The following TASP1 variants were observed in gnomAD, a reference collection of about 807,000 sequenced individuals.
The protein encoded by TASP1 is threonine aspartase 1.
A neutral mutation model predicts 56.6 loss-of-function variants in TASP1; 16 were observed. That is an observed-to-expected ratio of 0.28 (90% CI 0.19 to 0.43). TASP1 has a LOEUF of 0.43. Ranked by LOEUF, TASP1 falls within the 20% of genes least tolerant of loss-of-function variation. The pLI is 1.00. For missense variants in TASP1, 393 were observed against 511.6 expected (o/e 0.77, Z 2.24); for synonymous variants, 179 against 184.2 (o/e 0.97, Z 0.23).
At chr20:13,422,380 T>C (rs1376884509) in intron 12 of TASP1, among the ~76,000 whole-genome samples, 1 of 152,154 alleles carries the variant, frequency 6.6e-6, no homozygotes, top group East Asian at 1.9e-4. Context: ...GCTTTTTTTA[T>C]TGGTCATCAT....
At chr20:13,266,991 A>G in the TASP1 span, among the ~76,000 whole-genome samples, 4 of 152,208 alleles carry the variant, frequency 2.6e-5, no homozygotes, top group Admixed American at 6.5e-5. Context: ...CTGCATTACT[A>G]GGATATTCTG....
At chr20:13,572,269 C>CTAGATTAATAGA in intron 6 of TASP1, among the ~76,000 whole-genome samples, 1 of 152,146 alleles carries the variant, frequency 6.6e-6, no homozygotes, top group East Asian at 1.9e-4. Context: ...TGTCAAACTT[C>CTAGATTAATAGA]TCTAGATTAA....
intron 13 of TASP1, among the ~76,000 whole-genome samples, chr20:13,397,174 G>A (rs1253149339): frequency 7.9e-5 from 12 of 152,210 alleles, no homozygotes; most frequent in Admixed American, 7.9e-4. Flanking sequence ...GGTGATAAAA[G>A]TGCTCCATTA....
At chr20:13,638,125 C>CA (rs2049376636) in intron 1 of TASP1, among the ~76,000 whole-genome samples, 1 of 152,154 alleles carries the variant, frequency 6.6e-6, no homozygotes. Flanking sequence ...CCTTAGTAAG[C>CA]ACTGCTTTTT....
At chr20:13,374,240 T>C in the TASP1 span, among the ~76,000 whole-genome samples, 1 of 152,238 alleles carries the variant, frequency 6.6e-6, no homozygotes, top group Non-Finnish European at 1.5e-5. Flanking sequence ...GGTCCCTCTC[T>C]GAGGAAGTTT....
At chr20:13,599,732 T>C (rs2047885530) in intron 4 of TASP1, among the ~76,000 whole-genome samples, 1 of 150,588 alleles carries the variant, frequency 6.6e-6, no homozygotes, top group African/African-American at 2.4e-5. Flanking sequence ...AAAAACCATA[T>C]GATCATCTCA....
At chr20:13,212,244 G>A in the TASP1 span, among the ~76,000 whole-genome samples, 2 of 152,150 alleles carry the variant, frequency 1.3e-5, no homozygotes, top group African/African-American at 4.8e-5. Context: ...TCACTTGTGT[G>A]CTATATGAAT....
At chr20:13,224,994 T>C in the TASP1 span, among the ~76,000 whole-genome samples, 2,211 of 151,014 alleles carry the variant, frequency 0.015, 58 homozygotes, top group African/African-American at 0.045. Context: ...TACAGGCGCC[T>C]GCCACCACGC....
chr20:13,133,706 T>C, the TASP1 span, among the ~76,000 whole-genome samples: 1 of 151,996 alleles, frequency 6.6e-6, no homozygotes, highest in Admixed American at 6.6e-5. Context: ...GCACCAGAGC[T>C]GAGAGGCCAA....
At chr20:13,462,485 T>C (rs912099343) in intron 11 of TASP1, among the ~76,000 whole-genome samples, 3 of 152,202 alleles carry the variant, frequency 2.0e-5, no homozygotes, top group Non-Finnish European at 2.9e-5. Flanking sequence ...GAACCCTTTT[T>C]TCCTAAGCAT....
chr20:13,165,749 G>T, the TASP1 span: 1 of 152,170 alleles, frequency 6.6e-6, no homozygotes. Flanking sequence ...AGTAAATGGT[G>T]AAATTCAGTG....
At chr20:13,264,938 G>A in the TASP1 span, among the ~76,000 whole-genome samples, 1 of 152,182 alleles carries the variant, frequency 6.6e-6, no homozygotes, top group Non-Finnish European at 1.5e-5. Flanking sequence ...AAACCTCCAA[G>A]TGCCCCAGAG....
intron 8 of TASP1, among the ~76,000 whole-genome samples, chr20:13,554,732 A>G (rs1372451164): frequency 6.6e-6 from 1 of 150,746 alleles, no homozygotes; most frequent in African/African-American, 2.4e-5. Flanking sequence ...AGTGTATAAT[A>G]GCATTATGTT....
intron 1 of TASP1, among the ~76,000 whole-genome samples, chr20:13,636,114 C>T (rs1227423113): frequency 6.7e-6 from 1 of 149,176 alleles, no homozygotes; most frequent in Non-Finnish European, 1.5e-5. Context: ...GCTATTACAA[C>T]TCATGAATAA....
At chr20:13,225,186 G>A in the TASP1 span, among the ~76,000 whole-genome samples, 17 of 151,990 alleles carry the variant, frequency 1.1e-4, no homozygotes, top group African/African-American at 1.7e-4. Context: ...CAAAAATCCC[G>A]GGAATTAGGT....
intron 12 of TASP1, among the ~76,000 whole-genome samples, chr20:13,421,953 C>CTTTTT (rs1179688722): frequency 7.2e-6 from 1 of 139,042 alleles, no homozygotes; most frequent in Non-Finnish European, 1.5e-5. Context: ...TCTGTTTAAC[C>CTTTTT]TTTTTTTTTT....
At chr20:13,467,642 T>C (rs1393458226) in intron 11 of TASP1, among the ~76,000 whole-genome samples, 3 of 152,070 alleles carry the variant, frequency 2.0e-5, no homozygotes, top group South Asian at 2.1e-4. Flanking sequence ...CTTTGGAACA[T>C]TGTACATATT....
At position 13,574,119 on chromosome 20, in the gene TASP1, T is replaced by TAA. The variant is rs879792373; in HGVS notation, c.489-4535_489-4534dup. ...CACTGGAACAAATGAAATGAAAGTT[T>TAA]AAAAAAAAAAAAAGAAACAAAGTCC... On this transcript the variant is annotated intron_variant, in intron 6 of 13. Coordinates refer to ENST00000337743, the MANE Select transcript of TASP1 (RefSeq NM_017714.3). Among the ~76,000 whole-genome samples, 54 of 141,934 alleles carry TAA rather than the reference T, an allele frequency of 3.8e-4. 3 individuals are homozygous for TAA. The highest frequency in any genetic ancestry group is 1.4e-3 in the African/African-American group (53 of 38,802). 93.1% of individuals were successfully genotyped at this position (141,934 alleles called of 152,430 possible).
At chr20:13,438,948 A>G (rs1326200512) in intron 11 of TASP1, among the ~76,000 whole-genome samples, 1 of 152,236 alleles carries the variant, frequency 6.6e-6, no homozygotes, top group African/African-American at 2.4e-5. Flanking sequence ...TATCAAAACC[A>G]CAATGAGACA....
Sources: allele counts gnomAD v4.1 joint callset (sites outside exome capture counted in the v4.1 genomes callset), GRCh38; gene constraint gnomAD v4.1.1; transcripts MANE v1.5; gene names NCBI Gene and HGNC (gene_info 2026-07-23, HGNC 2026-07-21).